The following ZDHHC2 variants were observed in gnomAD, a reference collection of about 807,000 sequenced individuals.
ZDHHC2 encodes the protein zDHHC palmitoyltransferase 2, also known as palmitoyltransferase ZDHHC2.
In ZDHHC2, 51 loss-of-function variants were observed where a neutral mutation model predicts 55.6. That is an observed-to-expected ratio of 0.92 (90% CI 0.73 to 1.16). ZDHHC2 has a LOEUF of 1.16. Ranked by LOEUF, ZDHHC2 falls within the 50% of genes most tolerant of loss-of-function variation. ZDHHC2 has a pLI of 0.00. For synonymous variants in ZDHHC2, 199 were observed against 152.9 expected (o/e 1.30, Z -2.22); for missense variants, 491 against 442.4 (o/e 1.11, Z -0.99).
Position 17,209,964 on chromosome 8 carries a change from A to T in ZDHHC2, c.763A>T (p.Thr255Ser). Reference protein sequence around the residue: ...AFRSPVFRHGTDKNGFSLGFS... With the variant: ...AFRSPVFRHGSDKNGFSLGFS... ...CAGAAGTCCAGTATTTCGACATGGA[A>T]CAGATAAGAATGGATTCAGCTTGGG... The change falls in exon 9 of 13, where the codon ACA (threonine) becomes TCA (serine). Residue 255 changes from threonine to serine, a missense_variant. Coordinates refer to ENST00000262096, the MANE Select transcript of ZDHHC2 (RefSeq NM_016353.5). 1 of 1,611,772 alleles carries T rather than the reference A, an allele frequency of 6.2e-7. No homozygotes were observed. The highest frequency in any genetic ancestry group is 8.5e-7 in the Non-Finnish European group (1 of 1,178,878).
chr8:17,177,422 C>T (rs1200401113), intron 1 of ZDHHC2, among the ~76,000 whole-genome samples: 1 of 152,148 alleles, frequency 6.6e-6, no homozygotes, highest in Non-Finnish European at 1.5e-5. Context: ...GATGTTAAAG[C>T]ATATTGTAAA....
Position 17,210,627 on chromosome 8 carries a change from G to T in ZDHHC2, c.950+147G>T, listed in dbSNP as rs1170642304. 1.2e-5 allele frequency: 8 copies of T among 642,470 alleles called. No individual in the cohort carries two copies. The African/African-American group carries it at 1.3e-4, about 10-fold the overall frequency. 39.8% of individuals were successfully genotyped at this position (642,470 alleles called of 1,614,324 possible). On this transcript the variant is annotated intron_variant, in intron 10 of 12. Transcript: ENST00000262096. ...CACTTGAAATGAGGGAAAAAAGAAAGTATGATTGAGGATACATTGGAAGCT... is the reference window on the plus strand; with the variant it reads ...CACTTGAAATGAGGGAAAAAAGAAATTATGATTGAGGATACATTGGAAGCT...
Position 17,195,580 on chromosome 8 carries a change from G to A in ZDHHC2, c.329G>A (p.Arg110Gln), listed in dbSNP as rs748635825. 6 of 1,613,890 alleles carry A rather than the reference G, an allele frequency of 3.7e-6. No homozygotes were observed. Among genetic ancestry groups the A allele is most frequent in the African/African-American group, 1.3e-5 (1 of 75,030 alleles). ...GAAGCCCATCAGGAAGTTCTTAGGC[G>A]AGCAGCCAAGGATCTTCCCATCTAT... ...RGEAHQEVLR[R>Q]AAKDLPIYTR... is the part of the protein sequence containing the mutation. The change falls in exon 4 of 13, where the codon CGA becomes CAA. Residue 110 changes from arginine (R) to glutamine (Q), a missense_variant. Arg to Gln is a conservative substitution (Grantham distance 43). Coordinates refer to ENST00000262096, the MANE Select transcript of ZDHHC2 (RefSeq NM_016353.5).
At chr8:17,164,449 G>A (rs1159190238) in intron 1 of ZDHHC2, among the ~76,000 whole-genome samples, 1 of 152,014 alleles carries the variant, frequency 6.6e-6, no homozygotes, top group African/African-American at 2.4e-5. Context: ...TTTCTTCCTG[G>A]TATCCTGAAG....
chr8:17,168,429 T>G (rs937476087), intron 1 of ZDHHC2, among the ~76,000 whole-genome samples: 1 of 152,216 alleles, frequency 6.6e-6, no homozygotes, highest in African/African-American at 2.4e-5. Flanking sequence ...ATTTTTAACT[T>G]AATTTGTGGT....
In ZDHHC2 at chr8:17,209,995, G is replaced by C; in HGVS notation, c.794G>C (p.Ser265Thr). Residue 265 changes from serine to threonine, a missense_variant, in exon 9 of 13, where the codon AGT (serine) becomes ACT (threonine). Transcript: ENST00000262096. ...TDKNGFSLGF[S>T]KNMRQVFGDE... Reference sequence around the variant, plus strand: ...AAGAATGGATTCAGCTTGGGTTTCAGTAAAAACATGCGACAAGTTTTTGGT... The same window carrying C: ...AAGAATGGATTCAGCTTGGGTTTCACTAAAAACATGCGACAAGTTTTTGGT... 6.2e-7 allele frequency: 1 copy of C among 1,610,918 alleles called. No homozygotes were observed. Among genetic ancestry groups the C allele is most frequent in the Non-Finnish European group, 8.5e-7 (1 of 1,178,372 alleles).
chr8:17,183,465 G>T (rs985266904), intron 1 of ZDHHC2, among the ~76,000 whole-genome samples: 33 of 152,186 alleles, frequency 2.2e-4, no homozygotes, highest in Non-Finnish European at 5.9e-5. Flanking sequence ...CTTACAAGCG[G>T]ACTTGGAGAA....
At chr8:17,192,025 C>T (rs1043038802) in intron 3 of ZDHHC2, among the ~76,000 whole-genome samples, 5 of 152,138 alleles carry the variant, frequency 3.3e-5, no homozygotes, top group Non-Finnish European at 5.9e-5. Flanking sequence ...GCTCTGTTGG[C>T]CAGGCTGGTG....
chr8:17,176,936 C>T (rs1013802276), intron 1 of ZDHHC2, among the ~76,000 whole-genome samples: 2 of 151,948 alleles, frequency 1.3e-5, no homozygotes, highest in African/African-American at 4.8e-5. Flanking sequence ...AAAAGGGTAC[C>T]ATTGCAATTA....
chr8:17,161,959 A>T (rs1414498952), intron 1 of ZDHHC2, among the ~76,000 whole-genome samples: 1 of 152,266 alleles, frequency 6.6e-6, no homozygotes. Flanking sequence ...TATTTTAAAG[A>T]TTTGAATTTA....
chr8:17,197,190 T>A (rs1422580790), intron 4 of ZDHHC2, among the ~76,000 whole-genome samples: 4 of 152,204 alleles, frequency 2.6e-5, no homozygotes, highest in Non-Finnish European at 5.9e-5. Context: ...AAACCTGGTG[T>A]CCTTATTCCT....
chr8:17,198,449 C>A (rs1563160270), intron 6 of ZDHHC2, 36 bp downstream of exon 6: 2 of 1,553,878 alleles, frequency 1.3e-6, no homozygotes, highest in East Asian at 2.3e-5. Flanking sequence ...GTTTGTGTCC[C>A]TTGTAAATGT....
intron 1 of ZDHHC2, among the ~76,000 whole-genome samples, chr8:17,179,445 A>G (rs891740859): frequency 4.6e-5 from 7 of 152,276 alleles, no homozygotes; most frequent in Middle Eastern, 3.4e-3. Context: ...GTCTCACTCT[A>G]TCGCACAGGC....
At chr8:17,215,687 T>C (rs770176040) in intron 11 of ZDHHC2, among the ~76,000 whole-genome samples, 1 of 152,106 alleles carries the variant, frequency 6.6e-6, no homozygotes, top group Non-Finnish European at 1.5e-5. Context: ...AGAAGATAAA[T>C]ATCTACTGAA....
chr8:17,172,767 G>A (rs753638871), intron 1 of ZDHHC2, among the ~76,000 whole-genome samples: 1 of 152,084 alleles, frequency 6.6e-6, no homozygotes, highest in Non-Finnish European at 1.5e-5. Flanking sequence ...ACAAATTGGA[G>A]TAATTATCGT....
At chr8:17,193,719 G>T (rs1172733404) in intron 3 of ZDHHC2, among the ~76,000 whole-genome samples, 1 of 152,196 alleles carries the variant, frequency 6.6e-6, no homozygotes, top group Admixed American at 6.5e-5. Context: ...TTGGTATTCA[G>T]AGTGTACCTG....
At chr8:17,194,778 A>C (rs932735468) in intron 3 of ZDHHC2, among the ~76,000 whole-genome samples, 1 of 152,090 alleles carries the variant, frequency 6.6e-6, no homozygotes, top group African/African-American at 2.4e-5. Context: ...TTTATCCATC[A>C]TCCTTTTGAT....
intron 3 of ZDHHC2, among the ~76,000 whole-genome samples, chr8:17,191,708 C>G (rs923523830): frequency 6.6e-6 from 1 of 152,170 alleles, no homozygotes; most frequent in African/African-American, 2.4e-5. Flanking sequence ...TTTTCATTAT[C>G]CATTCATCCA....
At chr8:17,206,246 A>G (rs565525854) in intron 7 of ZDHHC2, among the ~76,000 whole-genome samples, 1 of 152,352 alleles carries the variant, frequency 6.6e-6, no homozygotes, top group African/African-American at 2.4e-5. Flanking sequence ...TATGGAGAAA[A>G]TAGGTGTATT....
Sources: allele counts gnomAD v4.1 joint callset (sites outside exome capture counted in the v4.1 genomes callset), GRCh38; gene constraint gnomAD v4.1.1; transcripts MANE v1.5; gene names NCBI Gene and HGNC (gene_info 2026-07-23, HGNC 2026-07-21).